Variants in BTBD3 observed in about 807,000 individuals in gnomAD.
BTBD3 encodes the protein BTB/POZ domain-containing protein 3.
A neutral mutation model predicts 41.6 loss-of-function variants in BTBD3; 14 were observed. The ratio of observed to expected loss-of-function variants is 0.34; its 90% CI spans 0.22 to 0.53. BTBD3 has a LOEUF of 0.53. Ranked by LOEUF, BTBD3 falls within the 20% of genes least tolerant of loss-of-function variation. The pLI is 0.95. For missense variants in BTBD3, 426 were observed against 654.7 expected, an observed-to-expected ratio of 0.65 and a Z score of 3.81; for synonymous variants, 249 against 233.7, an observed-to-expected ratio of 1.07 and a Z score of -0.60.
intron 1 of BTBD3, among the ~76,000 whole-genome samples, chr20:11,894,046 C>T (rs985461687): frequency 6.6e-6 from 1 of 152,122 alleles, no homozygotes; most frequent in African/African-American, 2.4e-5. Flanking sequence ...CAGTATTAAA[C>T]CCTTTGGTTG....
chr20:11,909,242 C>T (rs1183215793), intron 1 of BTBD3, among the ~76,000 whole-genome samples: 1 of 149,774 alleles, frequency 6.7e-6, no homozygotes, highest in African/African-American at 2.5e-5. Context: ...CCATTGTGCT[C>T]CAGCCTGGGC....
chr20:11,891,195 TG>T (rs2056750910), intron 1 of BTBD3: 1 of 149,282 alleles, frequency 6.7e-6, no homozygotes, highest in Non-Finnish European at 1.4e-5. Context: ...GGGGTCCCAG[TG>T]GGGCGCGTCG....
chr20:11,923,524 A>G lies in BTBD3; in HGVS notation c.1427A>G (p.Asn476Ser), dbSNP rs981478206. Residue 476 changes from asparagine (N) to serine (S), a missense_variant, in exon 4 of 4, where the codon AAT (asparagine) becomes AGT (serine). Around this residue, in one of 3 missense-constraint regions of BTBD3, gnomAD observed 321 missense variants for 534.8 expected, o/e 0.60. Coordinates refer to ENST00000378226, the MANE Select transcript of BTBD3 (RefSeq NM_014962.4). This position sits in a 1 kb window ranked among gnomAD's most constrained non-coding sequence, Gnocchi z 5.3. The part of the protein sequence containing the change: ...FYTASVILDG[N>S]ELSYFGQEGM... ...ACAGCCAGTGTGATACTGGATGGCA[A>G]TGAACTCAGCTACTTTGGACAAGAA... The G allele has an allele frequency of 7.4e-6, 12 of 1,614,090 alleles. No homozygotes were observed. Among genetic ancestry groups the G allele is most frequent in the East Asian group, 2.2e-5 (1 of 44,892 alleles).
At chr20:11,904,931 A>C (rs892515006) in intron 1 of BTBD3, among the ~76,000 whole-genome samples, 12 of 152,220 alleles carry the variant, frequency 7.9e-5, no homozygotes, top group Non-Finnish European at 1.3e-4. Context: ...TTACCAATGC[A>C]TGATTTTGTA....
At chr20:11,894,735 C>T (rs1208412990) in intron 1 of BTBD3, among the ~76,000 whole-genome samples, 1 of 151,852 alleles carries the variant, frequency 6.6e-6, no homozygotes, top group Non-Finnish European at 1.5e-5. Context: ...CAAGTCTCTA[C>T]CTTGTCCTTT....
At position 11,923,714 on chromosome 20, in the gene BTBD3, C is replaced by A. The variant is rs1232241725; in HGVS notation, c.*48C>A. 6.6e-7 allele frequency: 1 copy of A among 1,517,642 alleles called. No homozygotes were observed. The highest frequency in any genetic ancestry group is 8.9e-7 in the Non-Finnish European group (1 of 1,123,634). 94.0% of individuals were successfully genotyped at this position (1,517,642 alleles called of 1,614,324 possible). ...TGAGCTCCAAAGTGCACATCTGGTT[C>A]CAACTTGCCTGATGCTTAGCTCATC... On this transcript the variant is annotated 3_prime_UTR_variant, in exon 4 of 4. Coordinates refer to ENST00000378226, the MANE Select transcript of BTBD3 (RefSeq NM_014962.4). The surrounding 1 kb of genome is among the most constrained non-coding windows in gnomAD (Gnocchi z 5.3).
chr20:11,910,583 A>T (rs1008324177), intron 1 of BTBD3: 8 of 152,216 alleles, frequency 5.3e-5, no homozygotes, highest in Non-Finnish European at 1.2e-4. Flanking sequence ...TAACATTTTA[A>T]TATGGATTCT....
intron 1 of BTBD3, among the ~76,000 whole-genome samples, chr20:11,903,939 A>G (rs528447908): frequency 1.9e-4 from 29 of 152,116 alleles, no homozygotes; most frequent in Admixed American, 1.8e-3. Context: ...TGTATCCTTC[A>G]TTCTGTCTAC....
intron 1 of BTBD3, among the ~76,000 whole-genome samples, chr20:11,905,360 C>G (rs2056847167): frequency 6.6e-6 from 1 of 151,662 alleles, no homozygotes; most frequent in Non-Finnish European, 1.5e-5. Flanking sequence ...GGAAACCATT[C>G]TATTTCAATT....
chr20:11,906,546 G>C (rs1298115237), intron 1 of BTBD3, among the ~76,000 whole-genome samples: 1 of 152,088 alleles, frequency 6.6e-6, no homozygotes, highest in Non-Finnish European at 1.5e-5. Flanking sequence ...TTACAGGCGT[G>C]AGCCACCATA....
At chr20:11,914,563 A>T (rs2056906924), upstream of BTBD3, among the ~76,000 whole-genome samples, 2 of 152,108 alleles carry the variant, frequency 1.3e-5, no homozygotes, top group Admixed American at 1.3e-4. Flanking sequence ...TAGTATGTTC[A>T]TGTATACATA....
At chr20:11,903,886 G>A (rs1052682134) in intron 1 of BTBD3, among the ~76,000 whole-genome samples, 2 of 152,148 alleles carry the variant, frequency 1.3e-5, no homozygotes, top group East Asian at 1.9e-4. Context: ...GGGATTACAG[G>A]TGTGAGCCAC....
At chr20:11,901,396 A>C (rs923876338) in intron 1 of BTBD3, among the ~76,000 whole-genome samples, 35 of 152,156 alleles carry the variant, frequency 2.3e-4, no homozygotes, top group Admixed American at 2.0e-3. Flanking sequence ...GCTGTTACTG[A>C]AAGTGGTCAA....
At chr20:11,906,011 A>G (rs996943883) in intron 1 of BTBD3, among the ~76,000 whole-genome samples, 6 of 152,124 alleles carry the variant, frequency 3.9e-5, no homozygotes, top group Admixed American at 3.3e-4. Context: ...CTTCTAAGAA[A>G]TATACTTTTA....
In BTBD3 at chr20:11,923,275, G is replaced by T. The variant is rs1173848611; in HGVS notation, c.1178G>T (p.Arg393Leu). ...AGCAACCAATGGCGCTATCGTGGTC[G>T]CTGTGACAGCATCCAGTTTGCAGTT... ...YRSNQWRYRG[R>L]CDSIQFAVDK... The change falls in exon 4 of 4, where the codon CGC (arginine) becomes CTC (leucine). Residue 393 changes from arginine (R) to leucine (L), a missense_variant. Arg to Leu is a moderately radical substitution (Grantham distance 102). Around this residue, in one of 3 missense-constraint regions of BTBD3, gnomAD observed 321 missense variants for 534.8 expected, o/e 0.60. Transcript: ENST00000378226. This position sits in a 1 kb window ranked among gnomAD's most constrained non-coding sequence, Gnocchi z 5.3. 3 of 1,614,216 alleles carry T rather than the reference G, an allele frequency of 1.9e-6. No individual in the cohort carries two copies. Among genetic ancestry groups the T allele is most frequent in the Admixed American group, 1.7e-5 (1 of 60,018 alleles).
chr20:11,905,455 A>C (rs2056847703), intron 1 of BTBD3, among the ~76,000 whole-genome samples: 1 of 152,330 alleles, frequency 6.6e-6, no homozygotes, highest in Non-Finnish European at 1.5e-5. Flanking sequence ...AAGTTTAATA[A>C]AATCAATAAT....
intron 2 of BTBD3, 58 bp from the exon 3 acceptor site, chr20:11,919,660 G>C: frequency 6.6e-7 from 1 of 1,525,490 alleles, no homozygotes; most frequent in East Asian, 2.3e-5. Context: ...TTTCTGCATT[G>C]ATTTGCTGGA....
upstream of BTBD3, among the ~76,000 whole-genome samples, chr20:11,912,965 C>CT (rs2056898167): frequency 1.3e-5 from 2 of 152,198 alleles, no homozygotes; most frequent in Non-Finnish European, 2.9e-5. Context: ...TGTTGCTTAT[C>CT]TTTTTACCTC....
chr20:11,917,774 A>G (rs539522845), upstream of BTBD3: 15 of 204,882 alleles, frequency 7.3e-5, no homozygotes, highest in Admixed American at 1.3e-4. Context: ...GCATGTTACA[A>G]TAGGTGTCAC....
Sources: allele counts gnomAD v4.1 joint callset (sites outside exome capture counted in the v4.1 genomes callset), GRCh38; gene constraint gnomAD v4.1.1; regional missense constraint gnomAD v4.1.1; non-coding constraint Gnocchi (gnomAD v3.1); transcripts MANE v1.5; gene names NCBI Gene and HGNC (gene_info 2026-07-23, HGNC 2026-07-21).